L3MBTL1: variants seen among roughly 807,000 people sequenced by gnomAD.
L3MBTL1 encodes lethal(3)malignant brain tumor-like protein 1.
A neutral mutation model predicts 105.3 loss-of-function variants in L3MBTL1; 75 were observed. That is an observed-to-expected ratio of 0.71 (90% CI 0.59 to 0.86). L3MBTL1 has a LOEUF of 0.86. Ranked by LOEUF, L3MBTL1 falls within the 40% of genes least tolerant of loss-of-function variation. The pLI is 0.00. For synonymous variants in L3MBTL1, 452 were observed against 436.2 expected (o/e 1.04, Z -0.45); for missense variants, 1,069 against 1,126.4 (o/e 0.95, Z 0.73).
intron 7 of L3MBTL1, among the ~76,000 whole-genome samples, chr20:43,519,230 G>A (rs1442543202): frequency 5.3e-5 from 8 of 151,542 alleles, no homozygotes; most frequent in Admixed American, 3.9e-4. Flanking sequence ...CCAGCTACTC[G>A]GGAGGCTGAG....
At position 43,536,475 on chromosome 20, in the gene L3MBTL1, T is replaced by G. The variant is rs533512079; in HGVS notation, c.2173+17T>G. On this transcript the variant is annotated intron_variant, in intron 19 of 21. Transcript: ENST00000418998. Reference sequence around the variant, plus strand: ...ATTTCCAGAGTAAGTCTGGGTTATCTGCTCCTATGTCCTCCACCACAGAGT... The same window carrying G: ...ATTTCCAGAGTAAGTCTGGGTTATCGGCTCCTATGTCCTCCACCACAGAGT... 79 of 1,613,490 alleles carry G rather than the reference T, an allele frequency of 4.9e-5. No homozygotes were observed. The South Asian group carries it at 8.2e-4, about 17-fold the overall frequency.
chr20:43,542,102 C>G (rs867341556), downstream of L3MBTL1, among the ~76,000 whole-genome samples: 1 of 152,094 alleles, frequency 6.6e-6, no homozygotes, highest in Admixed American at 6.6e-5. Flanking sequence ...CCCAGCTACT[C>G]GGGAGGCTGA....
intron 17 of L3MBTL1, 47 bp downstream of exon 17, chr20:43,535,983 T>TA (rs770254345): frequency 9.6e-5 from 153 of 1,590,414 alleles, no homozygotes; most frequent in Middle Eastern, 5.0e-4. Context: ...GTTTTGCACT[T>TA]ACTGCATGCA....
Position 43,536,207 on chromosome 20 carries a change from A to G in L3MBTL1, c.2036A>G (p.Lys679Arg). The G allele has an allele frequency of 6.2e-7, 1 of 1,613,158 alleles. No homozygotes were observed. The highest frequency in any genetic ancestry group is 8.5e-7 in the Non-Finnish European group (1 of 1,179,836). The change falls in exon 18 of 22, where the codon AAA becomes AGA. Residue 679 changes from lysine (K) to arginine (R), a missense_variant. Lys to Arg is a conservative substitution (Grantham distance 26). Transcript: ENST00000418998. The stretch of plus-strand genomic sequence containing the variant: ...GCTGAGAGGAACCAGAGCCGGCTGA[A>G]AGCGGAGCTGTCTGACTCGGAGGCC... ...PLAERNQSRL[K>R]AELSDSEASA... is the part of the protein sequence containing the mutation.
chr20:43,517,099 CT>C lies in L3MBTL1; in HGVS notation c.862+935del, dbSNP rs1156363145. 4.4e-3 allele frequency among the ~76,000 whole-genome samples: 636 copies of C among 143,072 alleles called. 5 individuals carry two copies. Among genetic ancestry groups the C allele is most frequent in the East Asian group, 0.012 (59 of 4,842 alleles). The allele number at this position is 143,072 out of a possible 152,430, so 93.9% of individuals were successfully genotyped here. ...GGTGTGAGGTACCACGCCTGGTCGTCTTTTTTTTTTTTTCTTTGAGACGGAG... is the reference window on the plus strand; with the variant it reads ...GGTGTGAGGTACCACGCCTGGTCGTCTTTTTTTTTTTTCTTTGAGACGGAG... On this transcript the variant is annotated intron_variant, in intron 7 of 21. Transcript: ENST00000418998.
chr20:43,534,084 C>T lies in L3MBTL1; in HGVS notation c.1590C>T (p.Ala530=). 6.2e-7 allele frequency: 1 copy of T among 1,613,290 alleles called. No homozygotes were observed. Among genetic ancestry groups the T allele is most frequent in the South Asian group, 1.1e-5 (1 of 91,062 alleles). Reference sequence around the variant, plus strand: ...GGGCCTCTGCTGTCCCCACCTGGGCCTTCAAGGTGGTGAGTCAGTGCTCCC... The same window carrying T: ...GGGCCTCTGCTGTCCCCACCTGGGCTTTCAAGGTGGTGAGTCAGTGCTCCC... The part of the protein sequence containing the change: ...ETGASAVPTW[A]FKVRPPHSFL... Residue 530 remains alanine, a synonymous_variant, in exon 14 of 22, where the codon GCC becomes GCT. Coordinates refer to ENST00000418998, the MANE Select transcript of L3MBTL1 (RefSeq NM_001377303.1).
chr20:43,540,044 C>A (rs757570563), intron 19 of L3MBTL1, 107 bp from the exon 20 acceptor site: 1 of 1,343,852 alleles, frequency 7.4e-7, no homozygotes, highest in South Asian at 1.2e-5. Flanking sequence ...GGCCCGGAGT[C>A]CTGTCTACTC....
At chr20:43,517,550 G>A (rs1208705991) in intron 7 of L3MBTL1, among the ~76,000 whole-genome samples, 3 of 152,242 alleles carry the variant, frequency 2.0e-5, no homozygotes, top group African/African-American at 7.2e-5. Context: ...TTATAGGCAT[G>A]TGCCATTGCA....
chr20:43,536,567 G>A (rs1043124666), intron 19 of L3MBTL1, 109 bp downstream of exon 19: 5 of 1,315,312 alleles, frequency 3.8e-6, no homozygotes, highest in Non-Finnish European at 4.3e-6. Context: ...AAGCTAGAAG[G>A]AGGGCTGTGC....
chr20:43,534,630 C>A (rs1600948241), intron 15 of L3MBTL1, 198 bp from the exon 16 acceptor site: 2 of 607,812 alleles, frequency 3.3e-6, no homozygotes, highest in Non-Finnish European at 5.8e-6. Context: ...TAAGGATTGC[C>A]AGTGGGAGAT....
intron 6 of L3MBTL1, 71 bp downstream of exon 6, chr20:43,515,486 T>G: frequency 6.6e-7 from 1 of 1,510,458 alleles, no homozygotes; most frequent in Non-Finnish European, 8.9e-7. Context: ...GTCCCCTCCA[T>G]CAATCCAGAT....
chr20:43,526,533 G>A (rs184092459), intron 7 of L3MBTL1, among the ~76,000 whole-genome samples: 434 of 152,308 alleles, frequency 2.8e-3, no homozygotes, highest in African/African-American at 9.8e-3. Flanking sequence ...ATTGGTTTCC[G>A]CGTAGGTCCT....
intron 19 of L3MBTL1, among the ~76,000 whole-genome samples, chr20:43,538,705 A>T (rs760637074): frequency 6.6e-6 from 1 of 152,162 alleles, no homozygotes; most frequent in Non-Finnish European, 1.5e-5. Context: ...GCAGTTAGAT[A>T]AGACACTGTA....
chr20:43,520,376 G>A (rs1443891970), intron 7 of L3MBTL1, among the ~76,000 whole-genome samples: 3 of 152,114 alleles, frequency 2.0e-5, no homozygotes, highest in Non-Finnish European at 4.4e-5. Context: ...ACAAGTTTTT[G>A]TGTGGACATA....
At chr20:43,529,127 G>T in intron 8 of L3MBTL1, 137 bp from the exon 9 acceptor site, 1 of 659,962 alleles carries the variant, frequency 1.5e-6, no homozygotes, top group Non-Finnish European at 2.8e-6. Context: ...GATCCCTGTA[G>T]TAACGATCCC....
intron 18 of L3MBTL1, 22 bp from the exon 19 acceptor site, chr20:43,536,387 G>C (rs761465539): frequency 3.7e-6 from 6 of 1,614,010 alleles, no homozygotes; most frequent in Non-Finnish European, 4.2e-6. Context: ...CCCTGCCATG[G>C]ACCTGGTCCG....
intron 11 of L3MBTL1, chr20:43,531,287 C>T (rs1369114935): frequency 1.7e-5 from 3 of 173,618 alleles, no homozygotes; most frequent in African/African-American, 7.2e-5. Context: ...AACATTGAGA[C>T]TCTTCCATTT....
intron 1 of L3MBTL1, among the ~76,000 whole-genome samples, chr20:43,511,844 A>G (rs2018144853): frequency 6.6e-6 from 1 of 151,602 alleles, no homozygotes; most frequent in Admixed American, 6.6e-5. Context: ...TATTGAGTTA[A>G]GGCCTGGAGG....
intron 18 of L3MBTL1, chr20:43,547,989 G>A (rs1187520299): frequency 2.9e-5 from 12 of 413,514 alleles, no homozygotes; most frequent in Middle Eastern, 8.4e-4. Context: ...CCTTTCTCCC[G>A]CATATCCTTT....
Sources: gnomAD v4.1 joint callset for allele counts (sites outside exome capture counted in the v4.1 genomes callset) on GRCh38, gnomAD v4.1.1 for gene constraint, MANE v1.5 for transcripts, NCBI Gene and HGNC (gene_info 2026-07-23, HGNC 2026-07-21) for gene names.